TNS1: variants seen among roughly 807,000 people sequenced by gnomAD.
TNS1 encodes tensin-1.
A neutral mutation model predicts 168.6 loss-of-function variants in TNS1; 62 were observed. That is an observed-to-expected ratio of 0.37 (90% confidence interval 0.30 to 0.45). The LOEUF is 0.45. Ranked by LOEUF, TNS1 falls within the 20% of genes least tolerant of loss-of-function variation. The pLI is 1.00. For missense variants in TNS1, 2,240 were observed against 2,339.4 expected (o/e 0.96, Z 0.88); for synonymous variants, 934 against 933.2 (o/e 1.00, Z -0.02).
intron 18 of TNS1, among the ~76,000 whole-genome samples, chr2:217,859,014 C>A (rs562169955): frequency 1.5e-3 from 215 of 140,564 alleles, no homozygotes; most frequent in African/African-American, 5.8e-3. Context: ...CACAGTCTAG[C>A]CCAGCCTGGT....
intron 18 of TNS1, among the ~76,000 whole-genome samples, chr2:217,852,915 T>A (rs10171651): frequency 0.11 from 17,029 of 152,192 alleles, 1,240 homozygotes; most frequent in Non-Finnish European, 0.16. Flanking sequence ...TGAGTTGTCC[T>A]CTTCCTATCC....
intron 1 of TNS1, among the ~76,000 whole-genome samples, chr2:217,993,765 T>G (rs763042881): frequency 1.3e-4 from 20 of 152,248 alleles, no homozygotes; most frequent in Non-Finnish European, 2.5e-4. Context: ...AGTATCCATG[T>G]CAATTTCCTG....
intron 17 of TNS1, 88 bp from the exon 18 acceptor site, chr2:217,881,102 A>G (rs1950641777): frequency 1.0e-6 from 1 of 962,602 alleles, no homozygotes; most frequent in African/African-American, 1.6e-5. Context: ...GAGAAAGCCC[A>G]CAAGCTCCCC....
chr2:218,005,574 G>C (rs1251621139), upstream of TNS1, among the ~76,000 whole-genome samples: 2 of 152,168 alleles, frequency 1.3e-5, no homozygotes, highest in Non-Finnish European at 2.9e-5. Flanking sequence ...CCCTGTTCCA[G>C]GCTTGTCAGC....
At chr2:217,940,337 CAT>C (rs1055664190) in intron 3 of TNS1, among the ~76,000 whole-genome samples, 2 of 152,346 alleles carry the variant, frequency 1.3e-5, no homozygotes, top group Non-Finnish European at 2.9e-5. Flanking sequence ...CACCTCCAAA[CAT>C]ATCGCTCAAC....
At position 217,880,170 on chromosome 2, in the gene TNS1, C is replaced by A. The variant is rs1273252791; in HGVS notation, c.1429+728G>T. 6.6e-6 allele frequency among the ~76,000 whole-genome samples: 1 copy of A among 152,178 alleles called. No individual in the cohort carries two copies. The highest frequency in any genetic ancestry group is 1.5e-5 in the Non-Finnish European group (1 of 68,028). ...ATGCTCACTTTCGGAGCCCGCCCCA[C>A]GTCTCCTTACACATATGCAGATAGA... On this transcript the variant is annotated intron_variant, in intron 18 of 32. Transcript: ENST00000682258. This position sits in a 1 kb window ranked among gnomAD's most constrained non-coding sequence, Gnocchi z 4.2.
At chr2:217,850,690 A>G in intron 18 of TNS1, 1 of 817,894 alleles carries the variant, frequency 1.2e-6, no homozygotes, top group Non-Finnish European at 1.5e-6. Flanking sequence ...GCCAGCTCCC[A>G]AAGACTGCAC....
At chr2:217,962,971 T>C (rs901710323) in intron 3 of TNS1, among the ~76,000 whole-genome samples, 8 of 152,172 alleles carry the variant, frequency 5.3e-5, no homozygotes, top group African/African-American at 1.9e-4. Flanking sequence ...TTATGTAAGA[T>C]GTCAGCATTA....
At chr2:217,973,976 C>T (rs79691453) in intron 3 of TNS1, among the ~76,000 whole-genome samples, 1 of 152,168 alleles carries the variant, frequency 6.6e-6, no homozygotes, top group Non-Finnish European at 1.5e-5. Context: ...TCCTGCAATC[C>T]GCAAGAACAC....
chr2:217,935,672 C>T (rs951530310), intron 3 of TNS1, among the ~76,000 whole-genome samples: 1 of 152,230 alleles, frequency 6.6e-6, no homozygotes, highest in Non-Finnish European at 1.5e-5. Context: ...GCACTCATCC[C>T]AGCCAAGAAA....
chr2:218,004,448 C>A (rs1958635492), upstream of TNS1, among the ~76,000 whole-genome samples: 1 of 152,160 alleles, frequency 6.6e-6, no homozygotes, highest in Non-Finnish European at 1.5e-5. Context: ...CCTCCTCTTT[C>A]ACAGGGATCT....
chr2:217,869,695 C>T (rs1412585883), intron 18 of TNS1, among the ~76,000 whole-genome samples: 2 of 152,200 alleles, frequency 1.3e-5, no homozygotes, highest in Non-Finnish European at 2.9e-5. Flanking sequence ...GTTTGGTGTG[C>T]TTTATTTTGT....
intron 22 of TNS1, among the ~76,000 whole-genome samples, chr2:217,829,086 T>A (rs1296209475): frequency 6.6e-6 from 1 of 151,614 alleles, no homozygotes; most frequent in Non-Finnish European, 1.5e-5. Context: ...CAACAAAGAG[T>A]CATTCAGGGC....
Position 218,002,968 on chromosome 2 carries a change from C to T in TNS1, c.-96G>A, listed in dbSNP as rs1481743008. The T allele has an allele frequency of 1.5e-5, 7 of 455,006 alleles. No homozygotes were observed. The highest frequency in any genetic ancestry group is 3.1e-5 in the South Asian group (2 of 64,498). The allele number at this position is 455,006 out of a possible 1,614,324, so 28.2% of individuals were successfully genotyped here. ...CGCTGGCAGAAGGGCTCTCTGAGTCCGCGGCTGCTCCGGCTCCGCCAGCAT... is the reference window on the plus strand; with the variant it reads ...CGCTGGCAGAAGGGCTCTCTGAGTCTGCGGCTGCTCCGGCTCCGCCAGCAT... On this transcript the variant is annotated 5_prime_UTR_variant, in exon 1 of 33. Coordinates refer to ENST00000682258, the MANE Select transcript of TNS1 (RefSeq NM_001387777.1).
Position 217,942,010 on chromosome 2 carries a change from C to T in TNS1, c.187-21774G>A, listed in dbSNP as rs56930259. The stretch of plus-strand genomic sequence containing the variant: ...GCAAAACAATAACATCTTCTCTGAA[C>T]CCATAAGCATCCCAACCCAGCCCCG... On this transcript the variant is annotated intron_variant, in intron 3 of 32. Coordinates refer to ENST00000682258, the MANE Select transcript of TNS1 (RefSeq NM_001387777.1). 5.1e-4 allele frequency among the ~76,000 whole-genome samples: 78 copies of T among 152,330 alleles called. No homozygotes were observed. In the East Asian group the frequency reaches 0.012, roughly 23 times the overall value.
intron 19 of TNS1, 151 bp from the exon 20 acceptor site, chr2:217,836,362 C>G: frequency 1.3e-6 from 1 of 748,570 alleles, no homozygotes; most frequent in Non-Finnish European, 2.1e-6. Flanking sequence ...CCTCAGCCCT[C>G]CTGGGTCCAA....
At chr2:217,981,535 A>G (rs533677952) in intron 2 of TNS1, among the ~76,000 whole-genome samples, 4 of 152,226 alleles carry the variant, frequency 2.6e-5, no homozygotes, top group Non-Finnish European at 5.9e-5. Context: ...GCAGCTCTAC[A>G]GAGGGGAACG....
intron 32 of TNS1, among the ~76,000 whole-genome samples, chr2:217,805,091 A>G (rs945380951): frequency 1.3e-5 from 2 of 151,866 alleles, no homozygotes; most frequent in African/African-American, 4.8e-5. Context: ...ACACCCCTCC[A>G]CACACACACA....
Position 217,847,917 on chromosome 2 carries a change from G to A in TNS1, c.2600C>T (p.Ser867Phe), listed in dbSNP as rs1333834798. ...QSVPGAWPGA[S>F]PLSSQPLSGS... is the part of the protein sequence containing the mutation. ...AGAGAGGGGCTGGGAGGAGAGTGGA[G>A]AAGCCCCTGGCCAGGCCCCGGGGAC... Residue 867 changes from serine to phenylalanine, a missense_variant, in exon 19 of 33, where the codon TCT (serine) becomes TTT (phenylalanine). Ser to Phe is a radical substitution (Grantham distance 155). Around this residue, in one of 2 missense-constraint regions of TNS1, gnomAD observed 2,131 missense variants for 2,171.2 expected, o/e 0.98. Coordinates refer to ENST00000682258, the MANE Select transcript of TNS1 (RefSeq NM_001387777.1). 1 of 1,529,582 alleles carries A rather than the reference G, an allele frequency of 6.5e-7. No individual in the cohort carries two copies. Among genetic ancestry groups the A allele is most frequent in the African/African-American group, 1.4e-5 (1 of 72,988 alleles). 94.8% of individuals were successfully genotyped at this position (1,529,582 alleles called of 1,614,324 possible).
Sources: allele counts gnomAD v4.1 joint callset (sites outside exome capture counted in the v4.1 genomes callset), GRCh38; gene constraint gnomAD v4.1.1; regional missense constraint gnomAD v4.1.1; non-coding constraint Gnocchi (gnomAD v3.1); transcripts MANE v1.5; gene names NCBI Gene and HGNC (gene_info 2026-07-23, HGNC 2026-07-21).